SEL1L3: variants seen among roughly 807,000 people sequenced by gnomAD.
SEL1L3 encodes SEL1L family member 3, also known as protein sel-1 homolog 3.
Under a neutral mutation model 142.8 loss-of-function variants are expected in SEL1L3, and 76 were observed. The ratio of observed to expected loss-of-function variants is 0.53; its 90% CI spans 0.44 to 0.64. SEL1L3 has a LOEUF of 0.64. Among genes scored for constraint, SEL1L3 ranks in the 30% least tolerant of loss-of-function variants. The pLI is 0.00. For synonymous variants in SEL1L3, 504 were observed against 519.6 expected (o/e 0.97, Z 0.41); for missense variants, 1,262 against 1,381.7 (o/e 0.91, Z 1.37).
chr4:25,815,168 G>A (rs997367121), intron 9 of SEL1L3, among the ~76,000 whole-genome samples: 1 of 152,200 alleles, frequency 6.6e-6, no homozygotes, highest in African/African-American at 2.4e-5. Context: ...TGGTCCCTCG[G>A]GGGAAGCTCC....
intron 23 of SEL1L3, among the ~76,000 whole-genome samples, chr4:25,750,111 G>T (rs1385850628): frequency 6.6e-6 from 1 of 151,946 alleles, no homozygotes; most frequent in Non-Finnish European, 1.5e-5. Flanking sequence ...GCACGTGCCT[G>T]TAATCCCAGC....
At chr4:25,785,443 T>C in intron 13 of SEL1L3, among the ~76,000 whole-genome samples, 1 of 152,224 alleles carries the variant, frequency 6.6e-6, no homozygotes, top group Non-Finnish European at 1.5e-5. Flanking sequence ...TATTTTCTTC[T>C]GCCTATTTCA....
At chr4:25,850,840 C>CT (rs1296196883) in intron 1 of SEL1L3, among the ~76,000 whole-genome samples, 7 of 151,012 alleles carry the variant, frequency 4.6e-5, no homozygotes, top group East Asian at 1.9e-4. Flanking sequence ...TCAGGGTTTT[C>CT]TTTTTTTTGT....
At chr4:25,823,487 C>T (rs985162765) in intron 6 of SEL1L3, among the ~76,000 whole-genome samples, 1 of 152,020 alleles carries the variant, frequency 6.6e-6, no homozygotes, top group South Asian at 2.1e-4. Context: ...GCACTCCAAC[C>T]TGGGTGACAA....
At chr4:25,727,585 C>T in the SEL1L3 span, among the ~76,000 whole-genome samples, 2 of 152,082 alleles carry the variant, frequency 1.3e-5, no homozygotes, top group African/African-American at 2.4e-5. Context: ...TGTGGAAAAC[C>T]CCCTTGCAGG....
At chr4:25,762,907 CG>C (rs1718472934) in intron 20 of SEL1L3, among the ~76,000 whole-genome samples, 1 of 149,208 alleles carries the variant, frequency 6.7e-6, no homozygotes, top group African/African-American at 2.5e-5. Flanking sequence ...ACCTGGGAGG[CG>C]GAAGTTGCAG....
chr4:25,788,569 CGTGTGTGTGTGTGTGT>C lies in SEL1L3; in HGVS notation c.2077-221_2077-206del, dbSNP rs58435041. On this transcript the variant is annotated intron_variant, in intron 12 of 23. Coordinates refer to ENST00000399878, the MANE Select transcript of SEL1L3 (RefSeq NM_015187.5). The surrounding 1 kb of genome is among the most constrained non-coding windows in gnomAD (Gnocchi z 5.3). ...CCCTTAATGCAAGCCAGAAATGGTT[CGTGTGTGTGTGTGTGT>C]GTGTGTGTGTGTGTGTGTGTGTGTG... is the stretch of plus-strand genomic sequence containing the variant. Among the ~76,000 whole-genome samples the C allele has an allele frequency of 2.1e-3, 297 of 140,058 alleles. 3 individuals are homozygous for C. The highest frequency in any genetic ancestry group is 3.5e-3 in the Non-Finnish European group (226 of 64,304). 91.9% of individuals were successfully genotyped at this position (140,058 alleles called of 152,430 possible). A position where few individuals can be genotyped will look rare whatever the true frequency, so the allele number is the denominator to read the frequency against.
chr4:25,825,666 ATTTT>A (rs33997941), intron 6 of SEL1L3, among the ~76,000 whole-genome samples: 1,784 of 74,060 alleles, frequency 0.024, 40 homozygotes, highest in African/African-American at 0.09. Context: ...TCTAAATTCT[ATTTT>A]TTTTTTTTTT....
the SEL1L3 span, among the ~76,000 whole-genome samples, chr4:25,722,198 T>G: frequency 6.6e-6 from 1 of 152,146 alleles, no homozygotes; most frequent in African/African-American, 2.4e-5. Context: ...GCAAAGGTAA[T>G]GGAAGATGAG....
In SEL1L3 at chr4:25,788,197, T is replaced by C. The variant is rs1191848684; in HGVS notation, c.2217+27A>G. The C allele has an allele frequency of 6.2e-7, 1 of 1,610,554 alleles. No individual in the cohort carries two copies. The highest frequency in any genetic ancestry group is 1.3e-5 in the African/African-American group (1 of 74,904). On this transcript the variant is annotated intron_variant, in intron 13 of 23. Transcript: ENST00000399878. This position sits in a 1 kb window ranked among gnomAD's most constrained non-coding sequence, Gnocchi z 5.3. ...CAGGAGTCTGATAAGAATTGCACAA[T>C]TTCAGCACGAATTAAGTGATTCTTA...
chr4:25,742,586 G>A (rs1177554641), downstream of SEL1L3, among the ~76,000 whole-genome samples: 5 of 152,142 alleles, frequency 3.3e-5, no homozygotes, highest in African/African-American at 9.7e-5. Context: ...GTGAGCCACC[G>A]CACCCGGCCA....
intron 10 of SEL1L3, among the ~76,000 whole-genome samples, chr4:25,803,581 G>A (rs531898625): frequency 6.6e-6 from 1 of 152,348 alleles, no homozygotes; most frequent in South Asian, 2.1e-4. Context: ...GGATGTGTCT[G>A]TGAGAGTGTT....
intron 14 of SEL1L3, among the ~76,000 whole-genome samples, chr4:25,784,021 C>G (rs1389531512): frequency 6.6e-6 from 1 of 152,132 alleles, no homozygotes; most frequent in Non-Finnish European, 1.5e-5. Context: ...TTTGCTGCCC[C>G]CATTGTGGCA....
intron 1 of SEL1L3, among the ~76,000 whole-genome samples, chr4:25,851,338 A>G (rs28419447): frequency 1.3e-5 from 2 of 152,040 alleles, no homozygotes; most frequent in Admixed American, 1.3e-4. Context: ...GTCACTTCCC[A>G]TTTTTTTGCT....
chr4:25,736,991 T>G, the SEL1L3 span, among the ~76,000 whole-genome samples: 2 of 151,848 alleles, frequency 1.3e-5, no homozygotes, highest in Non-Finnish European at 2.9e-5. Flanking sequence ...CTTTTTCTTT[T>G]TTTTCTTTTT....
rs955891315 is a variant in SEL1L3 at position 25,833,070 on chromosome 4, G to T, written c.1023C>A (p.Asp341Glu). The T allele has an allele frequency of 2.5e-6, 4 of 1,612,222 alleles. No homozygotes were observed. The highest frequency in any genetic ancestry group is 1.7e-5 in the Admixed American group (1 of 60,008). Reference sequence around the variant, plus strand: ...TGATGAATTTAGTTTTTACAGCAAGGTCTTCCCCTTTGACAAGATGCATCT... The same window carrying T: ...TGATGAATTTAGTTTTTACAGCAAGTTCTTCCCCTTTGACAAGATGCATCT... ...HIQMHLVKGE[D>E]LAVKTKFIIP... The change falls in exon 5 of 24, where the codon GAC becomes GAA. Residue 341 changes from aspartate (D) to glutamate (E), a missense_variant. By Grantham distance (45) the Asp-to-Glu change is conservative. Around this residue, in one of 3 missense-constraint regions of SEL1L3, gnomAD observed 689 missense variants for 692.8 expected, o/e 0.99. Coordinates refer to ENST00000399878, the MANE Select transcript of SEL1L3 (RefSeq NM_015187.5).
chr4:25,764,735 T>C (rs574875779), intron 20 of SEL1L3, among the ~76,000 whole-genome samples: 11 of 152,190 alleles, frequency 7.2e-5, no homozygotes, highest in Admixed American at 1.3e-4. Flanking sequence ...ATTTGATTAT[T>C]TGGTCTTGAA....
intron 2 of SEL1L3, among the ~76,000 whole-genome samples, chr4:25,845,727 G>C (rs1380423771): frequency 6.6e-6 from 1 of 151,204 alleles, no homozygotes; most frequent in Non-Finnish European, 1.5e-5. Context: ...AACTTAGAGT[G>C]CATGTCCTTA....
intron 23 of SEL1L3, among the ~76,000 whole-genome samples, chr4:25,754,662 G>A (rs1717836340): frequency 6.6e-6 from 1 of 151,946 alleles, no homozygotes; most frequent in Non-Finnish European, 1.5e-5. Flanking sequence ...CTAAACAGCA[G>A]TGTGGGCATC....
Sources: gnomAD v4.1 joint callset for allele counts (sites outside exome capture counted in the v4.1 genomes callset) on GRCh38, gnomAD v4.1.1 for gene constraint, gnomAD v4.1.1 regional missense constraint, Gnocchi (gnomAD v3.1) non-coding constraint, MANE v1.5 for transcripts, NCBI Gene and HGNC (gene_info 2026-07-23, HGNC 2026-07-21) for gene names.